ABCC9: variants seen among roughly 807,000 people sequenced by gnomAD.
ABCC9 encodes ATP-binding cassette sub-family C member 9.
Under a neutral mutation model 188.3 loss-of-function variants are expected in ABCC9, and 95 were observed. The ratio of observed to expected loss-of-function variants is 0.50; its 90% CI spans 0.43 to 0.60. The LOEUF (loss-of-function observed/expected upper bound fraction) is 0.60. ABCC9 is among the 20% of genes least tolerant of loss of function. ABCC9 has a pLI of 0.00. For synonymous variants in ABCC9, 659 were observed against 652.7 expected (o/e 1.01, Z -0.15); for missense variants, 1,102 against 1,876.3 (o/e 0.59, Z 7.62).
intron 33 of ABCC9, 106 bp downstream of exon 33, chr12:21,817,081 G>A: frequency 7.9e-7 from 1 of 1,267,096 alleles, no homozygotes; most frequent in South Asian, 1.2e-5. Flanking sequence ...GAGTTTTCTG[G>A]ATACTGAAGT....
intron 21 of ABCC9, among the ~76,000 whole-genome samples, chr12:21,860,101 A>T (rs557180567): frequency 6.6e-6 from 1 of 151,764 alleles, no homozygotes; most frequent in South Asian, 2.1e-4. Context: ...TAAAAAAAAA[A>T]CTAGTATTAA....
intron 4 of ABCC9, 75 bp downstream of exon 4, chr12:21,933,707 A>T: frequency 6.5e-7 from 1 of 1,536,410 alleles, no homozygotes. Flanking sequence ...GGCACAAGTT[A>T]CAAAGATGTG....
intron 4 of ABCC9, among the ~76,000 whole-genome samples, chr12:21,928,374 AAGAG>A (rs1179064317): frequency 1.4e-4 from 21 of 146,816 alleles, no homozygotes; most frequent in East Asian, 4.0e-4. Context: ...GAAAAAGAAA[AAGAG>A]AGAAAGAAAA....
chr12:21,848,163 CT>C lies in ABCC9; in HGVS notation c.2852del (p.Glu951GlyfsTer20), dbSNP rs1317852208. ...AAAAAGATCTACCTTCGTCTTCGTC[CT>C]CCATCTGGGCTTTGGCTTCTCTTGA... ...MYSREAKAQMEDEDEEEEEEE... is the reference protein window; with the variant it reads ...MYSREAKAQMXDEDEEEEEEE... On this transcript the variant is annotated frameshift_variant, in exon 25 of 40. Transcript: ENST00000261200. LOFTEE classifies it high-confidence loss of function. The C allele has an allele frequency of 1.9e-6, 3 of 1,613,506 alleles. No individual in the cohort carries two copies. In the South Asian group the frequency reaches 3.3e-5, roughly 18 times the overall value.
intron 30 of ABCC9, among the ~76,000 whole-genome samples, chr12:21,832,568 A>C (rs1290842416): frequency 1.3e-5 from 2 of 152,170 alleles, no homozygotes; most frequent in Non-Finnish European, 2.9e-5. Flanking sequence ...AAGTAAAACC[A>C]CAATGAGACA....
chr12:21,912,757 A>G, intron 8 of ABCC9, 115 bp downstream of exon 8: 1 of 876,430 alleles, frequency 1.1e-6, no homozygotes. Context: ...GAAAGCATTC[A>G]ATTCTCTGAA....
intron 5 of ABCC9, among the ~76,000 whole-genome samples, chr12:21,919,336 G>A (rs143520521): frequency 1.5e-3 from 228 of 152,056 alleles, no homozygotes; most frequent in African/African-American, 5.3e-3. Context: ...AGGAATGAAA[G>A]AGGCACTATC....
intron 18 of ABCC9, among the ~76,000 whole-genome samples, chr12:21,867,677 A>T (rs1053484292): frequency 4.6e-5 from 7 of 152,194 alleles, no homozygotes; most frequent in Non-Finnish European, 1.5e-5. Context: ...GGAAAGTCAC[A>T]TGAAAAGGAA....
At chr12:21,901,141 A>C (rs1947727772) in intron 12 of ABCC9, among the ~76,000 whole-genome samples, 2 of 152,188 alleles carry the variant, frequency 1.3e-5, no homozygotes, top group Non-Finnish European at 2.9e-5. Flanking sequence ...GAGAGTGAGG[A>C]CCAATATTTG....
intron 39 of ABCC9, chr12:21,805,251 C>CTA (rs1555176120): frequency 6.2e-7 from 1 of 1,614,012 alleles, no homozygotes; most frequent in East Asian, 2.2e-5. Flanking sequence ...TCACACTCCA[C>CTA]TAAAATACCC....
chr12:21,904,360 T>A (rs1297186375), intron 12 of ABCC9, among the ~76,000 whole-genome samples: 13 of 152,042 alleles, frequency 8.6e-5, no homozygotes, highest in Admixed American at 2.6e-4. Flanking sequence ...TTCAGGACAT[T>A]GGCATGGGCA....
At chr12:21,873,645 C>T (rs1221995085) in intron 17 of ABCC9, among the ~76,000 whole-genome samples, 1 of 152,146 alleles carries the variant, frequency 6.6e-6, no homozygotes, top group Admixed American at 6.5e-5. Context: ...GGAGGTATCA[C>T]ACTTTTTGCT....
At chr12:21,814,517 T>C (rs1942472462) in intron 35 of ABCC9, 127 bp downstream of exon 35, 5 of 787,732 alleles carry the variant, frequency 6.3e-6, no homozygotes, top group Non-Finnish European at 8.9e-6. Flanking sequence ...ATATCTGCCT[T>C]GAACCATGTG....
At chr12:21,921,881 A>G (rs546065831) in intron 5 of ABCC9, among the ~76,000 whole-genome samples, 1 of 152,068 alleles carries the variant, frequency 6.6e-6, no homozygotes, top group East Asian at 1.9e-4. Flanking sequence ...ACTTCACTAT[A>G]GATGTATGGA....
rs375761017 is a variant in ABCC9 at position 21,798,033 on chromosome 12, A to G, written c.*3011T>C. 1.3e-5 allele frequency: 2 copies of G among 152,214 alleles called. No individual in the cohort carries two copies. Among genetic ancestry groups the G allele is most frequent in the Non-Finnish European group, 2.9e-5 (2 of 68,042 alleles). 9.4% of individuals were successfully genotyped at this position (152,214 alleles called of 1,614,324 possible). A position where few individuals can be genotyped will look rare whatever the true frequency, so the allele number is the denominator to read the frequency against. The stretch of plus-strand genomic sequence containing the variant: ...TTATATGTATAATAAATGGTTAATC[A>G]ATGAAAAACATTATCCTTGACCTTA... On this transcript the variant is annotated 3_prime_UTR_variant, in exon 40 of 40. Transcript: ENST00000261200.
intron 31 of ABCC9, among the ~76,000 whole-genome samples, chr12:21,822,354 C>T (rs978490391): frequency 6.6e-6 from 1 of 150,870 alleles, no homozygotes; most frequent in Non-Finnish European, 1.5e-5. Context: ...ATTTTAGAGA[C>T]TACTGATCAG....
rs1276138333 is a variant in ABCC9, at chr12:21,940,729, C to G, written c.-40G>C. The G allele has an allele frequency of 2.0e-5, 3 of 152,178 alleles. No individual in the cohort carries two copies. Among genetic ancestry groups the G allele is most frequent in the Non-Finnish European group, 2.9e-5 (2 of 68,030 alleles). 9.4% of individuals were successfully genotyped at this position (152,178 alleles called of 1,614,324 possible). A position where few individuals can be genotyped will look rare whatever the true frequency, so the allele number is the denominator to read the frequency against. On this transcript the variant is annotated 5_prime_UTR_variant, in exon 2 of 40. Coordinates refer to ENST00000261200, the MANE Select transcript of ABCC9 (RefSeq NM_020297.4). ...AAATACCTTGGGCAATAGCTTCACGCTGCTTCAAACCCCTGCCGGTGCACT... is the reference window on the plus strand; with the variant it reads ...AAATACCTTGGGCAATAGCTTCACGGTGCTTCAAACCCCTGCCGGTGCACT...
intron 10 of ABCC9, among the ~76,000 whole-genome samples, chr12:21,909,868 G>A (rs1948236387): frequency 6.6e-6 from 1 of 151,886 alleles, no homozygotes; most frequent in African/African-American, 2.4e-5. Context: ...TTTACGAGAA[G>A]TACTATTATT....
At chr12:21,834,965 C>G (rs1183823633) in intron 30 of ABCC9, among the ~76,000 whole-genome samples, 3 of 152,006 alleles carry the variant, frequency 2.0e-5, no homozygotes, top group Non-Finnish European at 4.4e-5. Context: ...CGTAGATCCT[C>G]CTCCCATAAA....
Sources: gnomAD v4.1 joint callset for allele counts (sites outside exome capture counted in the v4.1 genomes callset) on GRCh38, gnomAD v4.1.1 for gene constraint, MANE v1.5 for transcripts, NCBI Gene and HGNC (gene_info 2026-07-23, HGNC 2026-07-21) for gene names.